Variants in ZNF618 observed in about 807,000 individuals in gnomAD.
ZNF618 encodes the protein zinc finger protein 618.
In ZNF618, 34 loss-of-function variants were observed where a neutral mutation model predicts 103.0. That is an observed-to-expected ratio of 0.33 (90% confidence interval 0.25 to 0.44). ZNF618 has a LOEUF of 0.44. ZNF618 is among the 20% of genes least tolerant of loss of function. The pLI, the probability that ZNF618 is intolerant of heterozygous loss-of-function variation, is 1.00. For synonymous variants in ZNF618, 551 were observed against 542.2 expected (o/e 1.02, Z -0.23); for missense variants, 1,059 against 1,295.4 (o/e 0.82, Z 2.80).
intron 2 of ZNF618, among the ~76,000 whole-genome samples, chr9:113,979,277 G>A (rs984030726): frequency 6.6e-6 from 1 of 152,194 alleles, no homozygotes; most frequent in Non-Finnish European, 1.5e-5. Context: ...CTTAGGGCCT[G>A]AGTGTATGCT....
chr9:113,969,131 T>A lies in ZNF618; in HGVS notation c.48T>A (p.Ser16Arg). Residue 16 changes from serine to arginine, a missense_variant, in exon 2 of 15, where the codon AGT becomes AGA. Physicochemically the swap from Ser to Arg is moderately radical, Grantham distance 110. Coordinates refer to ENST00000374126, the MANE Select transcript of ZNF618 (RefSeq NM_001318042.2). Reference protein sequence around the residue: ...GAAAPQADGASAAGRKSTASR... With the variant: ...GAAAPQADGARAAGRKSTASR... ...TTCTTTTGCAGGCTGACGGAGCCAG[T>A]GCAGCCGGAAGGAAAAGCACTGCGA... The A allele has an allele frequency of 6.2e-7, 1 of 1,613,974 alleles. No homozygotes were observed. The highest frequency in any genetic ancestry group is 8.5e-7 in the Non-Finnish European group (1 of 1,179,876).
chr9:113,992,958 C>T (rs1840217507), intron 3 of ZNF618, among the ~76,000 whole-genome samples: 1 of 152,184 alleles, frequency 6.6e-6, no homozygotes, highest in African/African-American at 2.4e-5. Context: ...AAGTCACTGC[C>T]ATTGGAGCTG....
rs1156350918 is a variant in ZNF618, at chr9:114,002,054, C to T, written c.492C>T (p.Thr164=). The T allele has an allele frequency of 6.2e-7, 1 of 1,613,602 alleles. No homozygotes were observed. Among genetic ancestry groups the T allele is most frequent in the African/African-American group, 1.3e-5 (1 of 75,036 alleles). The change falls in exon 5 of 15, where the codon ACC becomes ACT. Residue 164 remains threonine (T), a synonymous_variant. Transcript: ENST00000374126. Reference sequence around the variant, plus strand: ...ACAAGTATTACAACTGCTTCCAGACCCACGTGCGGGCGCACCGAGGTGAGA... The same window carrying T: ...ACAAGTATTACAACTGCTTCCAGACTCACGTGCGGGCGCACCGAGGTGAGA... The part of the protein sequence containing the change: ...KKYKYYNCFQ[T]HVRAHRDTEA...
intron 9 of ZNF618, chr9:114,016,316 T>C (rs930997783): frequency 1.0e-5 from 7 of 697,822 alleles, no homozygotes; most frequent in Non-Finnish European, 1.5e-5. Flanking sequence ...GCAAAGGGGC[T>C]GACGAAGAGG....
At chr9:114,009,207 A>G (rs1842030238) in intron 9 of ZNF618, among the ~76,000 whole-genome samples, 2 of 152,220 alleles carry the variant, frequency 1.3e-5, no homozygotes, top group East Asian at 3.9e-4. Flanking sequence ...ATCATTGAAC[A>G]GATAGTTCCA....
chr9:114,043,374 A>G (rs1442308639), intron 13 of ZNF618, among the ~76,000 whole-genome samples: 3 of 152,186 alleles, frequency 2.0e-5, no homozygotes, highest in African/African-American at 4.8e-5. Flanking sequence ...TAATTTCTCC[A>G]TATCCCTGTC....
At chr9:114,001,276 GC>G (rs1240392203) in intron 4 of ZNF618, among the ~76,000 whole-genome samples, 2 of 133,866 alleles carry the variant, frequency 1.5e-5, no homozygotes, top group South Asian at 2.4e-4. Context: ...CTGGCAAGGG[GC>G]TGGGGGGGCC....
At chr9:113,932,111 G>A (rs977679852) in intron 1 of ZNF618, among the ~76,000 whole-genome samples, 5 of 152,194 alleles carry the variant, frequency 3.3e-5, no homozygotes, top group African/African-American at 2.4e-5. Flanking sequence ...TAAGTGCTGC[G>A]AAGAAAAAGG....
chr9:113,982,608 G>C (rs1839073310), intron 2 of ZNF618, among the ~76,000 whole-genome samples: 1 of 152,140 alleles, frequency 6.6e-6, no homozygotes, highest in Non-Finnish European at 1.5e-5. Context: ...ATTAGGATGT[G>C]GACATATCTT....
intron 2 of ZNF618, among the ~76,000 whole-genome samples, chr9:113,977,173 C>T (rs781608671): frequency 1.3e-5 from 2 of 152,098 alleles, no homozygotes; most frequent in Non-Finnish European, 1.5e-5. Context: ...AGGACGGGGA[C>T]AGCACCATGG....
At chr9:113,947,398 C>T (rs1835142664) in intron 1 of ZNF618, among the ~76,000 whole-genome samples, 1 of 152,118 alleles carries the variant, frequency 6.6e-6, no homozygotes, top group East Asian at 1.9e-4. Flanking sequence ...CTGCTGAGCA[C>T]ATGTGATGGT....
chr9:113,908,261 A>G (rs1831173569), intron 1 of ZNF618, among the ~76,000 whole-genome samples: 1 of 152,144 alleles, frequency 6.6e-6, no homozygotes, highest in Admixed American at 6.5e-5. Context: ...CGAGATTTCA[A>G]AAGCCTTTTT....
At chr9:113,957,757 AC>A (rs1279969656) in intron 1 of ZNF618, among the ~76,000 whole-genome samples, 1 of 151,068 alleles carries the variant, frequency 6.6e-6, no homozygotes, top group African/African-American at 2.4e-5. Context: ...GGAGTTTGCA[AC>A]CCTTTGTATT....
chr9:113,951,570 T>TATATAC lies in ZNF618; in HGVS notation c.34-17547_34-17546insATATAC, dbSNP rs1311034821. ...ACACATATGTGTGTGTATATGTGTG[T>TATATAC]GTGTATATGTGTGTGTGTGTGTGTG... On this transcript the variant is annotated intron_variant, in intron 1 of 14. Transcript: ENST00000374126. Among the ~76,000 whole-genome samples the TATATAC allele has an allele frequency of 3.4e-4, 9 of 26,440 alleles. 1 individual carries two copies. The highest frequency in any genetic ancestry group is 7.5e-4 in the African/African-American group (9 of 12,060). The allele number at this position is 26,440 out of a possible 152,430, so 17.3% of individuals were successfully genotyped here. A position where few individuals can be genotyped will look rare whatever the true frequency, so the allele number is the denominator to read the frequency against.
chr9:114,002,806 C>G, intron 6 of ZNF618, 144 bp downstream of exon 6: 1 of 891,920 alleles, frequency 1.1e-6, no homozygotes, highest in Non-Finnish European at 1.7e-6. Flanking sequence ...GGGGCCAGAC[C>G]ATCCTTACAA....
At chr9:114,032,117 G>GGGGTGT (rs1157324400) in intron 11 of ZNF618, among the ~76,000 whole-genome samples, 1 of 152,202 alleles carries the variant, frequency 6.6e-6, no homozygotes, top group Non-Finnish European at 1.5e-5. Flanking sequence ...TTGGCCTCTG[G>GGGGTGT]GGGTGTGGGG....
chr9:113,937,344 A>G (rs1834117712), intron 1 of ZNF618, among the ~76,000 whole-genome samples: 3 of 152,184 alleles, frequency 2.0e-5, no homozygotes, highest in Admixed American at 1.3e-4. Flanking sequence ...ACCCCTGAAT[A>G]CTTCAGAAAT....
rs76332494 is a variant in ZNF618, at chr9:113,995,746, A to G, written c.338-2513A>G. ...AGAGAGTTGGAAGTCACCCGATTCA[A>G]AAAAGGAGTTGTTCCTGGTCATTAG... is the stretch of plus-strand genomic sequence containing the variant. On this transcript the variant is annotated intron_variant, in intron 3 of 14. Coordinates refer to ENST00000374126, the MANE Select transcript of ZNF618 (RefSeq NM_001318042.2). Among the ~76,000 whole-genome samples, 1,059 of 152,272 alleles carry G rather than the reference A, an allele frequency of 7.0e-3. 16 individuals carry two copies. The highest frequency in any genetic ancestry group is 0.024 in the African/African-American group (979 of 41,548).
rs531728204 is a variant in ZNF618 at position 114,033,615 on chromosome 9, C to G, written c.1168+887C>G. On this transcript the variant is annotated intron_variant, in intron 12 of 14. Transcript: ENST00000374126. ...AATGTCCAGAGCAGCAGCCAAGGGG[C>G]CTCTCCCACCAGACCCGGGGTCAGC... Among the ~76,000 whole-genome samples, 150 of 152,268 alleles carry G rather than the reference C, an allele frequency of 9.9e-4. 2 individuals are homozygous for G. The highest frequency in any genetic ancestry group is 3.5e-3 in the African/African-American group (147 of 41,576).
Sources: gnomAD v4.1 joint callset for allele counts (sites outside exome capture counted in the v4.1 genomes callset) on GRCh38, gnomAD v4.1.1 for gene constraint, MANE v1.5 for transcripts, NCBI Gene and HGNC (gene_info 2026-07-23, HGNC 2026-07-21) for gene names.